The following NHLRC2 variants were observed in gnomAD, a reference collection of about 807,000 sequenced individuals.
The protein encoded by NHLRC2 is NHL repeat containing 2, also known as NHL repeat-containing protein 2.
In NHLRC2, 33 loss-of-function variants were observed where a neutral mutation model predicts 68.1. That is an observed-to-expected ratio of 0.48 (90% CI 0.37 to 0.65). The LOEUF is 0.65. Ranked by LOEUF, NHLRC2 falls within the 30% of genes least tolerant of loss-of-function variation. The probability of loss-of-function intolerance (pLI) is 0.00; values close to 1 mark genes in which losing one functional copy is unlikely to be tolerated. For synonymous variants in NHLRC2, 311 were observed against 309.6 expected (o/e 1.00, Z -0.05); for missense variants, 761 against 853.8 (o/e 0.89, Z 1.35).
intron 2 of NHLRC2, among the ~76,000 whole-genome samples, chr10:113,868,098 C>A (rs1360875785): frequency 6.6e-6 from 1 of 152,152 alleles, no homozygotes; most frequent in Non-Finnish European, 1.5e-5. Context: ...AAGTGATCTG[C>A]CCGCCTCAGC....
Position 113,905,016 on chromosome 10 carries a change from G to A in NHLRC2, c.1904G>A (p.Cys635Tyr). 1.3e-6 allele frequency: 2 copies of A among 1,524,802 alleles called. No individual in the cohort carries two copies. Among genetic ancestry groups the A allele is most frequent in the Non-Finnish European group, 1.8e-6 (2 of 1,137,736 alleles). The allele number at this position is 1,524,802 out of a possible 1,614,324, so 94.5% of individuals were successfully genotyped here. The change falls in exon 10 of 11, where the codon TGC becomes TAC. Residue 635 changes from cysteine (C) to tyrosine (Y), a missense_variant. Transcript: ENST00000369301. ...GSKLTEGVSS[C>Y]WFLTAEGNEW... Reference sequence around the variant, plus strand: ...AAGCTAACTGAAGGAGTATCCAGTTGCTGGTTTCTAACAGCTGAAGGTATG... The same window carrying A: ...AAGCTAACTGAAGGAGTATCCAGTTACTGGTTTCTAACAGCTGAAGGTATG...
At chr10:113,865,188 A>G (rs1442502504) in intron 2 of NHLRC2, among the ~76,000 whole-genome samples, 1 of 151,666 alleles carries the variant, frequency 6.6e-6, no homozygotes, top group Non-Finnish European at 1.5e-5. Flanking sequence ...TGACCTCGTG[A>G]TACGCCTGCC....
chr10:113,868,518 T>G (rs1845891529), intron 2 of NHLRC2, among the ~76,000 whole-genome samples: 1 of 152,224 alleles, frequency 6.6e-6, no homozygotes, highest in African/African-American at 2.4e-5. Flanking sequence ...GATCTCCTAT[T>G]TGGACAATAT....
chr10:113,889,321 TAC>T (rs1846111516), intron 5 of NHLRC2, among the ~76,000 whole-genome samples: 1 of 152,170 alleles, frequency 6.6e-6, no homozygotes. Context: ...TCTGATAATC[TAC>T]AGTGTTCGTA....
chr10:113,894,537 T>C (rs1281663490), intron 5 of NHLRC2, among the ~76,000 whole-genome samples: 1 of 152,164 alleles, frequency 6.6e-6, no homozygotes, highest in Admixed American at 6.5e-5. Flanking sequence ...AACTACAGTT[T>C]TATTTCTAAT....
At chr10:113,899,776 G>A (rs1846212199) in intron 6 of NHLRC2, among the ~76,000 whole-genome samples, 1 of 152,074 alleles carries the variant, frequency 6.6e-6, no homozygotes, top group South Asian at 2.1e-4. Flanking sequence ...AAGTTAGCTG[G>A]GCGTGGTGGC....
At position 113,911,567 on chromosome 10, in the gene NHLRC2, T is replaced by A. The variant is rs905141493; in HGVS notation, c.*3031T>A. 8 of 152,184 alleles carry A rather than the reference T, an allele frequency of 5.3e-5. No homozygotes were observed. Among genetic ancestry groups the A allele is most frequent in the Non-Finnish European group, 5.9e-5 (4 of 67,994 alleles). 9.4% of individuals were successfully genotyped at this position (152,184 alleles called of 1,614,324 possible). ...CATGATTCTTTTATGGCCAATATAC[T>A]TTTGAGCTTGTATAACTGAGATAAG... On this transcript the variant is annotated 3_prime_UTR_variant, in exon 11 of 11. Transcript: ENST00000369301.
At chr10:113,908,237 A>T in intron 10 of NHLRC2, 43 bp from the exon 11 acceptor site, 1 of 1,480,124 alleles carries the variant, frequency 6.8e-7, no homozygotes, top group South Asian at 1.2e-5. Context: ...CCAGTTTTCT[A>T]CTTATCTTAT....
intron 8 of NHLRC2, among the ~76,000 whole-genome samples, chr10:113,902,999 TATTAA>T (rs952683359): frequency 2.6e-5 from 4 of 152,390 alleles, no homozygotes; most frequent in African/African-American, 9.6e-5. Context: ...CATTTTTGTC[TATTAA>T]ATTGTCTTAA....
rs983286935 is a variant in NHLRC2, at chr10:113,854,695, G to A, written c.-178G>A. 14 of 577,178 alleles carry A rather than the reference G, an allele frequency of 2.4e-5. No individual in the cohort carries two copies. In the South Asian group the frequency reaches 2.7e-4, roughly 11 times the overall value. 35.8% of individuals were successfully genotyped at this position (577,178 alleles called of 1,614,324 possible). On this transcript the variant is annotated 5_prime_UTR_variant, in exon 1 of 11. Coordinates refer to ENST00000369301, the MANE Select transcript of NHLRC2 (RefSeq NM_198514.4). ...ACGTCCCCGGGAACTGCGCCGATTT[G>A]GACTTTTGGCACTTGGACCTATGCT...
At chr10:113,892,364 T>C (rs1363765092) in intron 5 of NHLRC2, among the ~76,000 whole-genome samples, 1 of 152,224 alleles carries the variant, frequency 6.6e-6, no homozygotes, top group Non-Finnish European at 1.5e-5. Flanking sequence ...ATTTTTAATT[T>C]GTGATTGTTG....
intron 9 of NHLRC2, among the ~76,000 whole-genome samples, chr10:113,904,160 T>C (rs746008793): frequency 1.3e-5 from 2 of 150,800 alleles, no homozygotes; most frequent in Non-Finnish European, 3.0e-5. Context: ...CTGTGATGAA[T>C]CCATTACCAA....
chr10:113,906,539 CA>C (rs552924833), intron 10 of NHLRC2, among the ~76,000 whole-genome samples: 7,746 of 134,108 alleles, frequency 0.058, 593 homozygotes, highest in African/African-American at 0.19. Context: ...AGTTTTAAGC[CA>C]AAAAAAAAAA....
rs56279136 is a variant in NHLRC2 at position 113,872,761 on chromosome 10, TA to T, written c.332-3745del. ...GAAACCCCAGAGAATGAAAATGAGCTAAAAAAAAAAAAAAAGTTAAAAGGTT... is the reference window on the plus strand; with the variant it reads ...GAAACCCCAGAGAATGAAAATGAGCTAAAAAAAAAAAAAAGTTAAAAGGTT... On this transcript the variant is annotated intron_variant, in intron 2 of 10. Coordinates refer to ENST00000369301, the MANE Select transcript of NHLRC2 (RefSeq NM_198514.4). 7.2e-3 allele frequency among the ~76,000 whole-genome samples: 975 copies of T among 136,340 alleles called. 9 individuals carry two copies. The highest frequency in any genetic ancestry group is 0.023 in the African/African-American group (818 of 35,780). 89.4% of individuals were successfully genotyped at this position (136,340 alleles called of 152,430 possible).
In NHLRC2 at chr10:113,865,292, C is replaced by G. The variant is rs1006870454; in HGVS notation, c.331+6612C>G. On this transcript the variant is annotated intron_variant, in intron 2 of 10. Coordinates refer to ENST00000369301, the MANE Select transcript of NHLRC2 (RefSeq NM_198514.4). Reference sequence around the variant, plus strand: ...AAAATCGCTTTTCATCCCCCCCCCCCGTTCCTCTCACCATATAATAGAGCT... The same window carrying G: ...AAAATCGCTTTTCATCCCCCCCCCCGGTTCCTCTCACCATATAATAGAGCT... Among the ~76,000 whole-genome samples, 15 of 141,022 alleles carry G rather than the reference C, an allele frequency of 1.1e-4. 1 individual carries two copies. The highest frequency in any genetic ancestry group is 4.7e-4 in the East Asian group (2 of 4,240). 92.5% of individuals were successfully genotyped at this position (141,022 alleles called of 152,430 possible). A position where few individuals can be genotyped will look rare whatever the true frequency, so the allele number is the denominator to read the frequency against.
chr10:113,890,815 TTA>T (rs2134724105), intron 5 of NHLRC2, among the ~76,000 whole-genome samples: 1 of 152,274 alleles, frequency 6.6e-6, no homozygotes, highest in African/African-American at 2.4e-5. Context: ...ACTAGGTAGT[TTA>T]TAAAGAAAGG....
At chr10:113,887,605 A>G (rs1203267807) in intron 5 of NHLRC2, among the ~76,000 whole-genome samples, 1 of 152,066 alleles carries the variant, frequency 6.6e-6, no homozygotes, top group Non-Finnish European at 1.5e-5. Flanking sequence ...CCCCGTCTAT[A>G]CAAGAATACA....
chr10:113,911,515 G>A lies in NHLRC2; in HGVS notation c.*2979G>A, dbSNP rs1215905200. The A allele has an allele frequency of 1.3e-5, 2 of 152,078 alleles. No homozygotes were observed. The highest frequency in any genetic ancestry group is 4.8e-5 in the African/African-American group (2 of 41,440). The allele number at this position is 152,078 out of a possible 1,614,324, so 9.4% of individuals were successfully genotyped here. Reference sequence around the variant, plus strand: ...ACTATGTGTATATTTATATAGGTGTGTGTATACACAAAGATTAAGAATTAT... The same window carrying A: ...ACTATGTGTATATTTATATAGGTGTATGTATACACAAAGATTAAGAATTAT... On this transcript the variant is annotated 3_prime_UTR_variant, in exon 11 of 11. Coordinates refer to ENST00000369301, the MANE Select transcript of NHLRC2 (RefSeq NM_198514.4).
intron 3 of NHLRC2, 86 bp downstream of exon 3, chr10:113,877,062 A>G: frequency 2.6e-6 from 2 of 782,044 alleles, no homozygotes; most frequent in South Asian, 4.2e-5. Context: ...AAATGTCTAA[A>G]TGAAAACTAA....
Sources: gnomAD v4.1 joint callset for allele counts (sites outside exome capture counted in the v4.1 genomes callset) on GRCh38, gnomAD v4.1.1 for gene constraint, MANE v1.5 for transcripts, NCBI Gene and HGNC (gene_info 2026-07-23, HGNC 2026-07-21) for gene names.